The following RBMS1 variants were observed in gnomAD, a reference collection of about 807,000 sequenced individuals.
RBMS1 encodes RNA-binding motif, single-stranded-interacting protein 1.
Under a neutral mutation model 62.3 loss-of-function variants are expected in RBMS1, and 17 were observed. The ratio of observed to expected loss-of-function variants is 0.27; its 90% CI spans 0.19 to 0.41. The LOEUF (loss-of-function observed/expected upper bound fraction) is 0.41. Ranked by LOEUF, RBMS1 falls within the 10% of genes least tolerant of loss-of-function variation. The probability of loss-of-function intolerance (pLI) is 1.00; values close to 1 mark genes in which losing one functional copy is unlikely to be tolerated. For synonymous variants in RBMS1, 172 were observed against 170.0 expected (o/e 1.01, Z -0.09); for missense variants, 334 against 504.5 (o/e 0.66, Z 3.24).
intron 2 of RBMS1, among the ~76,000 whole-genome samples, chr2:160,319,500 A>C (rs1308826453): frequency 1.3e-5 from 2 of 152,210 alleles, no homozygotes; most frequent in Non-Finnish European, 2.9e-5. Flanking sequence ...CGACAGAGCA[A>C]GACTCCATCT....
intron 1 of RBMS1, among the ~76,000 whole-genome samples, chr2:160,412,128 T>G (rs897516939): frequency 6.6e-6 from 1 of 152,134 alleles, no homozygotes; most frequent in East Asian, 1.9e-4. Context: ...AGGAGGTGTA[T>G]ACCAACTAGA....
intron 1 of RBMS1, among the ~76,000 whole-genome samples, chr2:160,385,163 A>T (rs990887770): frequency 6.6e-6 from 1 of 152,170 alleles, no homozygotes; most frequent in Admixed American, 6.5e-5. Context: ...TAAACTACCC[A>T]GCCTTGGATA....
At chr2:160,422,512 A>C (rs993181285) in intron 1 of RBMS1, among the ~76,000 whole-genome samples, 23 of 152,132 alleles carry the variant, frequency 1.5e-4, no homozygotes, top group African/African-American at 5.3e-4. Flanking sequence ...CCACACTATT[A>C]TTCTCATTTT....
chr2:160,346,954 G>A (rs1229929757), intron 2 of RBMS1, among the ~76,000 whole-genome samples: 2 of 151,948 alleles, frequency 1.3e-5, no homozygotes, highest in South Asian at 2.1e-4. Context: ...GAATGATTAT[G>A]AAAGAAACTT....
intron 1 of RBMS1, among the ~76,000 whole-genome samples, chr2:160,462,508 G>A (rs183219552): frequency 6.6e-6 from 1 of 152,180 alleles, no homozygotes; most frequent in African/African-American, 2.4e-5. Context: ...TGAGATTCTA[G>A]TACTGGGTAA....
intron 1 of RBMS1, among the ~76,000 whole-genome samples, chr2:160,475,501 C>A (rs1021417096): frequency 6.6e-6 from 1 of 152,226 alleles, no homozygotes; most frequent in Non-Finnish European, 1.5e-5. Flanking sequence ...CTGCTCCCAC[C>A]CTTTGCTCTT....
intron 1 of RBMS1, among the ~76,000 whole-genome samples, chr2:160,443,303 A>T (rs1683496492): frequency 6.6e-6 from 1 of 152,024 alleles, no homozygotes. Flanking sequence ...AGAACTGAAG[A>T]CAGCCTCATA....
chr2:160,375,234 T>C (rs971703981), intron 1 of RBMS1, among the ~76,000 whole-genome samples: 7 of 152,208 alleles, frequency 4.6e-5, no homozygotes, highest in Non-Finnish European at 7.3e-5. Context: ...TTTGTTAAAC[T>C]GGCAGACTCC....
intron 2 of RBMS1, 31 bp from the exon 3 acceptor site, chr2:160,318,258 A>AAAAGAAAAG: frequency 6.7e-7 from 1 of 1,496,910 alleles, no homozygotes; most frequent in East Asian, 2.5e-5. Flanking sequence ...AAAAAGGAAA[A>AAAAGAAAAG]AAAGAAAAGA....
intron 1 of RBMS1, among the ~76,000 whole-genome samples, chr2:160,436,035 A>G (rs1299617342): frequency 6.6e-6 from 1 of 152,226 alleles, no homozygotes; most frequent in East Asian, 1.9e-4. Flanking sequence ...GAAAAAAGTT[A>G]AAGTCACCCA....
intron 1 of RBMS1, among the ~76,000 whole-genome samples, chr2:160,458,896 G>A (rs1027300381): frequency 2.6e-5 from 4 of 152,080 alleles, no homozygotes; most frequent in Non-Finnish European, 5.9e-5. Context: ...TGGATGGGGC[G>A]GGCCCTTACA....
chr2:160,422,207 C>G (rs1696463619), intron 1 of RBMS1, among the ~76,000 whole-genome samples: 1 of 152,150 alleles, frequency 6.6e-6, no homozygotes, highest in South Asian at 2.1e-4. Context: ...TAATGCCCAC[C>G]TTTTTCAGAT....
intron 1 of RBMS1, among the ~76,000 whole-genome samples, chr2:160,455,465 G>C (rs1370388613): frequency 6.6e-6 from 1 of 152,180 alleles, no homozygotes; most frequent in Non-Finnish European, 1.5e-5. Flanking sequence ...TATAATTGCA[G>C]ACTGAACAAA....
chr2:160,439,659 C>T (rs535564378), intron 1 of RBMS1, among the ~76,000 whole-genome samples: 14 of 152,194 alleles, frequency 9.2e-5, no homozygotes, highest in Middle Eastern at 3.4e-3. Context: ...GGGTGGCGGC[C>T]GGGCAGAGGC....
chr2:160,357,686 A>T (rs1248736120), intron 2 of RBMS1, among the ~76,000 whole-genome samples: 1 of 152,142 alleles, frequency 6.6e-6, no homozygotes, highest in Admixed American at 6.6e-5. Flanking sequence ...GAAGAAGCAT[A>T]GCCCATTACC....
At chr2:160,380,068 T>A (rs77569802) in intron 1 of RBMS1, among the ~76,000 whole-genome samples, 1 of 152,244 alleles carries the variant, frequency 6.6e-6, no homozygotes. Context: ...TTTCCATTGT[T>A]ATCCCAGATT....
At chr2:160,281,528 G>A in intron 9 of RBMS1, 164 bp from the exon 10 acceptor site, 1 of 568,058 alleles carries the variant, frequency 1.8e-6, no homozygotes, top group Non-Finnish European at 3.1e-6. Context: ...TTGGCAAACT[G>A]GTCACTCTGA....
intron 1 of RBMS1, among the ~76,000 whole-genome samples, chr2:160,382,618 C>G (rs1694334976): frequency 6.6e-6 from 1 of 152,204 alleles, no homozygotes; most frequent in South Asian, 2.1e-4. Context: ...ATGGCCACAT[C>G]TGGTCAGGCA....
At chr2:160,324,257 G>A (rs998753605) in intron 2 of RBMS1, among the ~76,000 whole-genome samples, 17 of 146,580 alleles carry the variant, frequency 1.2e-4, no homozygotes, top group African/African-American at 3.4e-4. Flanking sequence ...GCATGCGTGC[G>A]CGTGCACACA....
Sources: allele counts gnomAD v4.1 joint callset (sites outside exome capture counted in the v4.1 genomes callset), GRCh38; gene constraint gnomAD v4.1.1; transcripts MANE v1.5; gene names NCBI Gene and HGNC (gene_info 2026-07-23, HGNC 2026-07-21).